The following RBFOX1 variants were observed in gnomAD, a reference collection of about 807,000 sequenced individuals.
RBFOX1 encodes RNA binding fox-1 homolog 1, also known as RNA binding protein fox-1 homolog 1.
A neutral mutation model predicts 57.7 loss-of-function variants in RBFOX1; 8 were observed. The ratio of observed to expected loss-of-function variants is 0.14; its 90% CI spans 0.08 to 0.25. The LOEUF (loss-of-function observed/expected upper bound fraction) is 0.25, where lower values mean the gene tolerates loss of function less well. Ranked by LOEUF, RBFOX1 falls within the 10% of genes least tolerant of loss-of-function variation. RBFOX1 has a pLI of 1.00. For synonymous variants in RBFOX1, 326 were observed against 222.4 expected (o/e 1.47, Z -4.15); for missense variants, 611 against 548.5 (o/e 1.11, Z -1.14).
chr16:6,188,957 C>G (rs144666097), intron 1 of RBFOX1, among the ~76,000 whole-genome samples: 1 of 152,138 alleles, frequency 6.6e-6, no homozygotes, highest in East Asian at 1.9e-4. Flanking sequence ...CCAAATGAGA[C>G]TCCAAGTGCA....
At chr16:6,654,557 A>G in intron 2 of RBFOX1, 46 bp from the exon 3 acceptor site, 4 of 1,423,954 alleles carry the variant, frequency 2.8e-6, no homozygotes, top group Non-Finnish European at 3.7e-6. Context: ...CATAAGTCTG[A>G]CTCCTGTTCT....
At chr16:5,731,254 C>G (rs867821976) in intron 3 of RBFOX1, among the ~76,000 whole-genome samples, 4 of 151,890 alleles carry the variant, frequency 2.6e-5, no homozygotes, top group Non-Finnish European at 4.4e-5. Flanking sequence ...AATGTCTCCA[C>G]CAGCACGATA....
chr16:7,455,278 C>T (rs189297950), intron 4 of RBFOX1, among the ~76,000 whole-genome samples: 17 of 152,254 alleles, frequency 1.1e-4, no homozygotes, highest in African/African-American at 4.1e-4. Context: ...TCCTTGGATA[C>T]ATCACCCTCC....
At chr16:5,852,111 A>G (rs1467898883) in intron 3 of RBFOX1, among the ~76,000 whole-genome samples, 1 of 152,198 alleles carries the variant, frequency 6.6e-6, no homozygotes, top group Non-Finnish European at 1.5e-5. Flanking sequence ...GATCAGAATG[A>G]TCCTTAGTAA....
intron 4 of RBFOX1, among the ~76,000 whole-genome samples, chr16:7,067,019 C>G (rs2056218624): frequency 6.6e-6 from 1 of 152,132 alleles, no homozygotes; most frequent in Non-Finnish European, 1.5e-5. Context: ...ACAGATTATG[C>G]ACACAGAGCA....
Position 7,259,684 on chromosome 16 carries a change from CTG to C in RBFOX1, c.27+207588_27+207589del, listed in dbSNP as rs769082372. Among the ~76,000 whole-genome samples, 50 of 152,216 alleles carry C rather than the reference CTG, an allele frequency of 3.3e-4. No homozygotes were observed. In the Middle Eastern group the frequency reaches 0.01, roughly 31 times the overall value. ...ATTTTATCACTAACTTGAGAGGTGACTGTTTTCTGATGTTTATACATCACTCA... is the reference window on the plus strand; with the variant it reads ...ATTTTATCACTAACTTGAGAGGTGACTTTTCTGATGTTTATACATCACTCA... On this transcript the variant is annotated intron_variant, in intron 4 of 15. Transcript: ENST00000550418.
At chr16:6,825,939 C>G (rs1603629427) in intron 3 of RBFOX1, among the ~76,000 whole-genome samples, 1 of 152,166 alleles carries the variant, frequency 6.6e-6, no homozygotes, top group Admixed American at 6.5e-5. Flanking sequence ...GGTTGTACCG[C>G]AGGGTGCTCA....
intron 4 of RBFOX1, among the ~76,000 whole-genome samples, chr16:7,110,383 T>G (rs972317209): frequency 7.3e-6 from 1 of 137,154 alleles, no homozygotes; most frequent in Non-Finnish European, 1.6e-5. Flanking sequence ...TCGTTCCCAC[T>G]TTACAGTTGA....
At chr16:5,354,584 C>G (rs1596630739) in intron 1 of RBFOX1, among the ~76,000 whole-genome samples, 1 of 152,244 alleles carries the variant, frequency 6.6e-6, no homozygotes, top group Non-Finnish European at 1.5e-5. Flanking sequence ...GGATTTTTCT[C>G]TTTAATCTTA....
chr16:6,659,349 C>T (rs2098686684), intron 3 of RBFOX1, among the ~76,000 whole-genome samples: 1 of 151,470 alleles, frequency 6.6e-6, no homozygotes, highest in African/African-American at 2.4e-5. Context: ...GAGTGGTTTT[C>T]CAAGTTATGG....
chr16:6,763,074 A>C (rs2076853482), intron 3 of RBFOX1, among the ~76,000 whole-genome samples: 1 of 152,310 alleles, frequency 6.6e-6, no homozygotes, highest in African/African-American at 2.4e-5. Context: ...ATATATCAGG[A>C]CTGTATTACG....
chr16:6,828,399 C>T (rs998115680), intron 3 of RBFOX1, among the ~76,000 whole-genome samples: 2 of 152,094 alleles, frequency 1.3e-5, no homozygotes, highest in East Asian at 3.9e-4. Flanking sequence ...TGACACAGGC[C>T]TTTAGACCCA....
At chr16:6,137,099 T>G (rs2096672505) in intron 1 of RBFOX1, among the ~76,000 whole-genome samples, 1 of 152,208 alleles carries the variant, frequency 6.6e-6, no homozygotes, top group Admixed American at 6.5e-5. Flanking sequence ...TCCAGGTACT[T>G]TCATGAATCA....
At chr16:6,765,746 A>C (rs1567157542) in intron 3 of RBFOX1, among the ~76,000 whole-genome samples, 1 of 152,214 alleles carries the variant, frequency 6.6e-6, no homozygotes, top group Non-Finnish European at 1.5e-5. Context: ...AGTGCCCAGC[A>C]ACCAATAAGT....
At chr16:6,048,267 A>T (rs1186605275) in intron 1 of RBFOX1, among the ~76,000 whole-genome samples, 1 of 152,142 alleles carries the variant, frequency 6.6e-6, no homozygotes, top group African/African-American at 2.4e-5. Context: ...TTGAGTTCAG[A>T]CCTTTGTCTA....
intron 4 of RBFOX1, among the ~76,000 whole-genome samples, chr16:7,400,555 A>G (rs1280467769): frequency 1.3e-5 from 2 of 152,164 alleles, no homozygotes; most frequent in African/African-American, 4.8e-5. Flanking sequence ...GGATTCTTCA[A>G]GAACACAGTT....
chr16:5,917,788 G>T (rs989331016), intron 4 of RBFOX1, among the ~76,000 whole-genome samples: 1 of 152,148 alleles, frequency 6.6e-6, no homozygotes, highest in African/African-American at 2.4e-5. Context: ...TGACCAGAAT[G>T]ATCATTATAA....
chr16:6,950,756 G>C lies in RBFOX1; in HGVS notation c.-15-101301G>C, dbSNP rs866185044. Among the ~76,000 whole-genome samples, 8 of 152,082 alleles carry C rather than the reference G, an allele frequency of 5.3e-5. 1 individual carries two copies. The highest frequency in any genetic ancestry group is 1.2e-4 in the Non-Finnish European group (8 of 68,024). On this transcript the variant is annotated intron_variant, in intron 3 of 15. Transcript: ENST00000550418. ...AGGAGATTTGCGGCCATGTAATATG[G>C]GTAGGTGAATTTCACTTAATATTGT...
intron 3 of RBFOX1, among the ~76,000 whole-genome samples, chr16:7,032,211 G>A (rs910387513): frequency 2.4e-4 from 37 of 152,028 alleles, no homozygotes; most frequent in Non-Finnish European, 8.8e-5. Context: ...GATCGCTTGA[G>A]GTCAGGAGTT....
Sources: gnomAD v4.1 joint callset for allele counts (sites outside exome capture counted in the v4.1 genomes callset) on GRCh38, gnomAD v4.1.1 for gene constraint, MANE v1.5 for transcripts, NCBI Gene and HGNC (gene_info 2026-07-23, HGNC 2026-07-21) for gene names.